The following RICTOR variants were observed in gnomAD, a reference collection of about 807,000 sequenced individuals.
The protein encoded by RICTOR is rapamycin-insensitive companion of mTOR.
Under a neutral mutation model 214.9 loss-of-function variants are expected in RICTOR, and 49 were observed. The ratio of observed to expected loss-of-function variants is 0.23; its 90% confidence interval spans 0.18 to 0.29. The LOEUF is 0.29. Among genes scored for constraint, RICTOR ranks in the 10% least tolerant of loss-of-function variants. The probability of loss-of-function intolerance (pLI) is 1.00; values close to 1 mark genes in which losing one functional copy is unlikely to be tolerated. For missense variants in RICTOR, 1,625 were observed against 2,047.0 expected (o/e 0.79, Z 3.98); for synonymous variants, 717 against 711.3 (o/e 1.01, Z -0.13).
chr5:38,988,534 C>T (rs1752344116), intron 7 of RICTOR, among the ~76,000 whole-genome samples: 1 of 152,036 alleles, frequency 6.6e-6, no homozygotes, highest in African/African-American at 2.4e-5. Context: ...TTTTGCTTTC[C>T]ACTTGCTTGG....
intron 2 of RICTOR, among the ~76,000 whole-genome samples, chr5:39,041,144 A>G (rs1332253654): frequency 6.6e-6 from 1 of 152,238 alleles, no homozygotes; most frequent in African/African-American, 2.4e-5. Context: ...AGTAAGTGAC[A>G]CAAATGTTAT....
At chr5:38,963,759 G>A (rs1389594384) in intron 16 of RICTOR, among the ~76,000 whole-genome samples, 1 of 151,828 alleles carries the variant, frequency 6.6e-6, no homozygotes, top group Non-Finnish European at 1.5e-5. Flanking sequence ...ATAAACCCTG[G>A]AATTTGTGGC....
In RICTOR at chr5:38,959,918, A is replaced by G. The variant is rs759518472; in HGVS notation, c.1912T>C (p.Ser638Pro). Residue 638 changes from serine to proline, a missense_variant, in exon 21 of 38, where the codon TCT becomes CCT. Physicochemically the swap from Ser to Pro is moderately conservative, Grantham distance 74. Around this residue, in one of 5 missense-constraint regions of RICTOR, gnomAD observed 1,214 missense variants for 1,470.5 expected, o/e 0.83. Transcript: ENST00000357387. ...KDIVQWLNAS[S>P]GMKPERSLQN... ...AGACTTCTTTCGGGTTTCATTCCAG[A>G]TGAAGCATTGAGCCACTGAACAATA... 6.2e-7 allele frequency: 1 copy of G among 1,613,436 alleles called. No homozygotes were observed. The highest frequency in any genetic ancestry group is 8.5e-7 in the Non-Finnish European group (1 of 1,179,464).
chr5:39,038,785 A>T (rs1388520466), intron 2 of RICTOR, among the ~76,000 whole-genome samples: 1 of 152,144 alleles, frequency 6.6e-6, no homozygotes, highest in African/African-American at 2.4e-5. Flanking sequence ...CTTCAAGGAG[A>T]ACTACAAACC....
intron 3 of RICTOR, among the ~76,000 whole-genome samples, chr5:39,005,121 G>C (rs1753952738): frequency 6.6e-6 from 1 of 152,076 alleles, no homozygotes; most frequent in African/African-American, 2.4e-5. Context: ...CCTTATCTTT[G>C]GTTTCCAGCA....
chr5:38,991,168 G>T, intron 6 of RICTOR, 93 bp from the exon 7 acceptor site: 1 of 691,534 alleles, frequency 1.4e-6, no homozygotes. Flanking sequence ...AACAGAATAA[G>T]ATCCAGAATA....
rs143747277 is a variant in RICTOR, at chr5:39,023,546, T to C, written c.98-2410A>G. Reference sequence around the variant, plus strand: ...AATTTCTTCAGATGGCTATAAACTATTAAAATCTTCACCATCCTATTTGTT... The same window carrying C: ...AATTTCTTCAGATGGCTATAAACTACTAAAATCTTCACCATCCTATTTGTT... On this transcript the variant is annotated intron_variant, in intron 2 of 37. Transcript: ENST00000357387. 7.9e-5 allele frequency among the ~76,000 whole-genome samples: 12 copies of C among 152,376 alleles called. No individual in the cohort carries two copies. In the East Asian group the frequency reaches 2.3e-3, roughly 29 times the overall value.
intron 6 of RICTOR, among the ~76,000 whole-genome samples, chr5:38,992,888 A>G (rs1046837350): frequency 6.6e-6 from 1 of 152,214 alleles, no homozygotes; most frequent in Non-Finnish European, 1.5e-5. Context: ...GATCATGATT[A>G]GGTAATAAAT....
intron 2 of RICTOR, among the ~76,000 whole-genome samples, chr5:39,026,774 G>A (rs1284822626): frequency 7.2e-5 from 11 of 151,868 alleles, no homozygotes; most frequent in Non-Finnish European, 1.0e-4. Flanking sequence ...TTGGGAGGCC[G>A]AGGTGGGTGG....
At chr5:39,049,015 C>G (rs750501095) in intron 2 of RICTOR, among the ~76,000 whole-genome samples, 5 of 152,198 alleles carry the variant, frequency 3.3e-5, no homozygotes, top group Non-Finnish European at 7.3e-5. Flanking sequence ...TGCTGAGACT[C>G]TGAAGCCACC....
In RICTOR at chr5:39,074,126, G is replaced by A. The variant is rs779537965; in HGVS notation, c.82C>T (p.Leu28=). ...RNDSGEENVP[L]DLTREPSDNL... is the part of the protein sequence containing the mutation. ...CCCGCGTTACCTCGGGTCAGATCCA[G>A]CGGGACGTTCTCCTCGCCGCTGTCA... Residue 28 remains leucine (L), a synonymous_variant, in exon 2 of 38, where the codon CTG becomes TTG. Transcript: ENST00000357387. 2.5e-6 allele frequency: 4 copies of A among 1,584,750 alleles called. No homozygotes were observed. The highest frequency in any genetic ancestry group is 1.8e-5 in the Admixed American group (1 of 56,888).
chr5:39,038,164 C>CAT (rs1756876753), intron 2 of RICTOR, among the ~76,000 whole-genome samples: 1 of 152,154 alleles, frequency 6.6e-6, no homozygotes, highest in African/African-American at 2.4e-5. Flanking sequence ...GCTGGTTCAA[C>CAT]ATATGCAAAT....
At chr5:39,006,631 A>G (rs1332213860) in intron 3 of RICTOR, among the ~76,000 whole-genome samples, 2 of 150,244 alleles carry the variant, frequency 1.3e-5, no homozygotes, top group Non-Finnish European at 3.0e-5. Flanking sequence ...CCCTATTGGT[A>G]GGATAACTGT....
chr5:38,996,937 G>C, intron 5 of RICTOR, 55 bp from the exon 6 acceptor site: 2 of 1,178,258 alleles, frequency 1.7e-6, no homozygotes, highest in Non-Finnish European at 2.5e-6. Context: ...ACAACTTTTT[G>C]TATCACAATA....
At chr5:38,977,887 G>A (rs1218273254) in intron 9 of RICTOR, among the ~76,000 whole-genome samples, 1 of 151,576 alleles carries the variant, frequency 6.6e-6, no homozygotes, top group Non-Finnish European at 1.5e-5. Flanking sequence ...TTAACTCAGG[G>A]GAAAAATGAA....
At chr5:39,050,199 A>ATATAT (rs1554011696) in intron 2 of RICTOR, among the ~76,000 whole-genome samples, 52 of 148,512 alleles carry the variant, frequency 3.5e-4, no homozygotes, top group African/African-American at 8.7e-4. Context: ...TAAATAAATA[A>ATATAT]ATATATATAT....
At chr5:39,016,822 T>C (rs1754997450) in intron 3 of RICTOR, among the ~76,000 whole-genome samples, 1 of 152,214 alleles carries the variant, frequency 6.6e-6, no homozygotes, top group South Asian at 2.1e-4. Flanking sequence ...GAAATGTAGT[T>C]AGTCTTAATT....
At chr5:38,996,658 C>A (rs1050134150) in intron 6 of RICTOR, among the ~76,000 whole-genome samples, 161 bp downstream of exon 6, 1 of 151,956 alleles carries the variant, frequency 6.6e-6, no homozygotes, top group African/African-American at 2.4e-5. Context: ...TTGTTTACCT[C>A]AAAGTTTAAT....
chr5:38,985,892 C>T, intron 7 of RICTOR, among the ~76,000 whole-genome samples: 1 of 152,118 alleles, frequency 6.6e-6, no homozygotes, highest in South Asian at 2.1e-4. Flanking sequence ...GACAGGGTTT[C>T]ACCATATTGG....
Sources: allele counts gnomAD v4.1 joint callset (sites outside exome capture counted in the v4.1 genomes callset), GRCh38; gene constraint gnomAD v4.1.1; regional missense constraint gnomAD v4.1.1; transcripts MANE v1.5; gene names NCBI Gene and HGNC (gene_info 2026-07-23, HGNC 2026-07-21).